The following TEX2 variants were observed in gnomAD, a reference collection of about 807,000 sequenced individuals.
TEX2 encodes the protein testis expressed 2.
A neutral mutation model predicts 106.9 loss-of-function variants in TEX2; 53 were observed. That is an observed-to-expected ratio of 0.50 (90% CI 0.40 to 0.62). The LOEUF is 0.62. Ranked by LOEUF, TEX2 falls within the 20% of genes least tolerant of loss-of-function variation. The pLI, the probability that TEX2 is intolerant of heterozygous loss-of-function variation, is 0.00. For missense variants in TEX2, 1,207 were observed against 1,379.0 expected, an observed-to-expected ratio of 0.88 and a Z score of 1.98; for synonymous variants, 523 against 534.8, an observed-to-expected ratio of 0.98 and a Z score of 0.30.
At chr17:64,231,359 G>A (rs1464125881) in intron 1 of TEX2, among the ~76,000 whole-genome samples, 6 of 152,136 alleles carry the variant, frequency 3.9e-5, no homozygotes, top group African/African-American at 1.4e-4. Context: ...TACCATATAT[G>A]TGCTTCAGGC....
chr17:64,261,078 G>C (rs1358327293), intron 1 of TEX2, among the ~76,000 whole-genome samples: 1 of 152,146 alleles, frequency 6.6e-6, no homozygotes, highest in Non-Finnish European at 1.5e-5. Context: ...CCATTGCTCT[G>C]TTCTCATATT....
chr17:64,170,343 A>C (rs552525117), intron 7 of TEX2, among the ~76,000 whole-genome samples: 1 of 152,318 alleles, frequency 6.6e-6, no homozygotes, highest in South Asian at 2.1e-4. Flanking sequence ...AAGTCAAAAA[A>C]TCTGGAACCT....
chr17:64,229,691 C>CAAGGA (rs2033610879), intron 1 of TEX2, among the ~76,000 whole-genome samples: 1 of 152,122 alleles, frequency 6.6e-6, no homozygotes, highest in African/African-American at 2.4e-5. Flanking sequence ...ACACATATTG[C>CAAGGA]TCTGTTTCCT....
At chr17:64,249,893 T>C (rs2034058751) in intron 1 of TEX2, among the ~76,000 whole-genome samples, 1 of 152,144 alleles carries the variant, frequency 6.6e-6, no homozygotes, top group Non-Finnish European at 1.5e-5. Flanking sequence ...AAAAAAAAAT[T>C]AATGTTCCTG....
rs1349407219 is a variant in TEX2, at chr17:64,185,793, G to C, written c.2424+2375C>G. On this transcript the variant is annotated intron_variant, in intron 5 of 11. Transcript: ENST00000584379. The surrounding 1 kb of genome is among the most constrained non-coding windows in gnomAD (Gnocchi z 4.0). ...CAAAATTAGCCGGACGTGGTAGCGTGTGACTGCAGTCCTGGCTACTCAGGA... is the reference window on the plus strand; with the variant it reads ...CAAAATTAGCCGGACGTGGTAGCGTCTGACTGCAGTCCTGGCTACTCAGGA... Among the ~76,000 whole-genome samples, 1 of 152,130 alleles carries C rather than the reference G, an allele frequency of 6.6e-6. No individual in the cohort carries two copies. Among genetic ancestry groups the C allele is most frequent in the Non-Finnish European group, 1.5e-5 (1 of 68,012 alleles).
chr17:64,231,062 G>A (rs1174188139), intron 1 of TEX2, among the ~76,000 whole-genome samples: 2 of 152,190 alleles, frequency 1.3e-5, no homozygotes, highest in African/African-American at 4.8e-5. Context: ...TGGCCATTAG[G>A]TGGAGAGTTT....
chr17:64,248,626 C>T (rs868910539), intron 1 of TEX2, among the ~76,000 whole-genome samples: 12 of 152,204 alleles, frequency 7.9e-5, no homozygotes, highest in African/African-American at 1.9e-4. Flanking sequence ...AGTGATTAGA[C>T]GAGGGTTCCC....
chr17:64,178,281 G>C (rs1193978104), intron 5 of TEX2, among the ~76,000 whole-genome samples: 1 of 152,166 alleles, frequency 6.6e-6, no homozygotes, highest in Non-Finnish European at 1.5e-5. Context: ...TGGCCTGGAG[G>C]GGGTCAGGGA....
chr17:64,227,854 G>A lies in TEX2; in HGVS notation c.-25-13612C>T, dbSNP rs782615384. ...CGAAACAACTTAAGCAAAGCACTGA[G>A]CATGATCCCTGGCACAGAGCAGCCC... is the stretch of plus-strand genomic sequence containing the variant. On this transcript the variant is annotated intron_variant, in intron 1 of 11. Transcript: ENST00000584379. 2.9e-4 allele frequency among the ~76,000 whole-genome samples: 44 copies of A among 152,218 alleles called. 1 individual carries two copies. The highest frequency in any genetic ancestry group is 1.3e-4 in the Non-Finnish European group (9 of 68,040).
chr17:64,187,499 C>T (rs1246089921), intron 5 of TEX2, among the ~76,000 whole-genome samples: 3 of 152,184 alleles, frequency 2.0e-5, no homozygotes, highest in African/African-American at 7.2e-5. Flanking sequence ...ATCCAGCCTT[C>T]ACTATGACAG....
intron 5 of TEX2, 88 bp from the exon 6 acceptor site, chr17:64,177,559 T>A: frequency 4.2e-6 from 6 of 1,435,882 alleles, no homozygotes; most frequent in Non-Finnish European, 5.7e-6. Flanking sequence ...TGAAGGTCCC[T>A]CCTTATAGAA....
chr17:64,226,131 A>C (rs2033500202), intron 1 of TEX2, among the ~76,000 whole-genome samples: 1 of 152,174 alleles, frequency 6.6e-6, no homozygotes, highest in South Asian at 2.1e-4. Context: ...TTAAAGTTTG[A>C]AACTATGTCC....
chr17:64,228,101 G>A (rs2033556323), intron 1 of TEX2, among the ~76,000 whole-genome samples: 2 of 152,002 alleles, frequency 1.3e-5, no homozygotes, highest in Non-Finnish European at 2.9e-5. Flanking sequence ...ATTTCCTTAG[G>A]AAATATTTCT....
intron 1 of TEX2, among the ~76,000 whole-genome samples, chr17:64,253,251 A>AC (rs2034124890): frequency 6.6e-6 from 1 of 151,444 alleles, no homozygotes; most frequent in Non-Finnish European, 1.5e-5. Context: ...CAATCCTCCC[A>AC]CCTCAGTCTC....
rs1598225137 is a variant in TEX2 at position 64,246,850 on chromosome 17, T to C, written c.-26+16318A>G. On this transcript the variant is annotated intron_variant, in intron 1 of 11. Transcript: ENST00000584379. ...GATCCACCTTCCAGAGTCACAGAGC[T>C]GGGAGGACCAGCCTCCTGGTGCTGT... is the stretch of plus-strand genomic sequence containing the variant. Among the ~76,000 whole-genome samples the C allele has an allele frequency of 2.0e-5, 3 of 152,164 alleles. No individual in the cohort carries two copies. In the East Asian group the frequency reaches 5.8e-4, roughly 29 times the overall value.
At chr17:64,167,415 C>T (rs897696386) in intron 7 of TEX2, among the ~76,000 whole-genome samples, 2 of 152,154 alleles carry the variant, frequency 1.3e-5, no homozygotes, top group Non-Finnish European at 2.9e-5. Context: ...TAATAACAAT[C>T]CTTAGTTGAC....
intron 1 of TEX2, among the ~76,000 whole-genome samples, chr17:64,245,728 G>A (rs185258112): frequency 2.2e-4 from 33 of 152,226 alleles, no homozygotes; most frequent in Admixed American, 1.2e-3. Context: ...ATATTTTGGT[G>A]GTGTTCCATT....
intron 1 of TEX2, among the ~76,000 whole-genome samples, chr17:64,232,400 A>G (rs954401133): frequency 3.2e-4 from 48 of 152,142 alleles, no homozygotes; most frequent in Admixed American, 7.2e-4. Flanking sequence ...CAGTAAACTG[A>G]TTAATTCTGT....
chr17:64,193,856 G>T lies in TEX2; in HGVS notation c.1879C>A (p.Arg627=). The change falls in exon 4 of 12, where the codon CGA becomes AGA. Residue 627 remains arginine (R), a synonymous_variant. Transcript: ENST00000584379. ...ATGGGGTACTTTTTATTCCAGATTC[G>T]CTTTCGAGCCAAAGTTTTAGGTACA... is the stretch of plus-strand genomic sequence containing the variant. The part of the protein sequence containing the change: ...YLVPKTLARK[R]IWNKKYPICI... 1.3e-6 allele frequency: 2 copies of T among 1,565,256 alleles called. No individual in the cohort carries two copies. The highest frequency in any genetic ancestry group is 1.7e-6 in the Non-Finnish European group (2 of 1,151,002).
Sources: gnomAD v4.1 joint callset for allele counts (sites outside exome capture counted in the v4.1 genomes callset) on GRCh38, gnomAD v4.1.1 for gene constraint, Gnocchi (gnomAD v3.1) non-coding constraint, MANE v1.5 for transcripts, NCBI Gene and HGNC (gene_info 2026-07-23, HGNC 2026-07-21) for gene names.